NR6A1: variants seen among roughly 807,000 people sequenced by gnomAD.
The protein encoded by NR6A1 is nuclear receptor subfamily 6 group A member 1, also known as retinoic acid receptor-related testis-associated receptor.
Under a neutral mutation model 59.1 loss-of-function variants are expected in NR6A1, and 7 were observed. That is an observed-to-expected ratio of 0.12 (90% CI 0.07 to 0.22). NR6A1 has a LOEUF of 0.22. NR6A1 is among the 10% of genes least tolerant of loss of function. The pLI, the probability that NR6A1 is intolerant of heterozygous loss-of-function variation, is 1.00. For synonymous variants in NR6A1, 243 were observed against 236.1 expected, an observed-to-expected ratio of 1.03 and a Z score of -0.27; for missense variants, 468 against 611.6, an observed-to-expected ratio of 0.77 and a Z score of 2.48.
At chr9:124,592,278 A>G (rs1330222055) in intron 2 of NR6A1, among the ~76,000 whole-genome samples, 1 of 152,178 alleles carries the variant, frequency 6.6e-6, no homozygotes, top group African/African-American at 2.4e-5. Flanking sequence ...TAAAGACCAC[A>G]TTGTTCAAAA....
At chr9:124,622,833 T>C (rs976616474) in intron 2 of NR6A1, among the ~76,000 whole-genome samples, 4 of 152,020 alleles carry the variant, frequency 2.6e-5, no homozygotes, top group Non-Finnish European at 5.9e-5. Flanking sequence ...CACAGAGGTG[T>C]AGATCCTGCA....
intron 2 of NR6A1, among the ~76,000 whole-genome samples, chr9:124,688,568 C>T (rs923670592): frequency 3.3e-5 from 5 of 152,190 alleles, no homozygotes; most frequent in African/African-American, 9.7e-5. Context: ...CTGGGTTATA[C>T]ATTATGCTTC....
chr9:124,540,274 G>A, intron 4 of NR6A1, 87 bp from the exon 5 acceptor site: 1 of 1,404,420 alleles, frequency 7.1e-7, no homozygotes, highest in Non-Finnish European at 9.6e-7. Context: ...AATCTCATAG[G>A]ATTTCCCAGA....
At chr9:124,586,075 A>G (rs114168998) in intron 2 of NR6A1, among the ~76,000 whole-genome samples, 3,534 of 152,370 alleles carry the variant, frequency 0.023, 111 homozygotes, top group East Asian at 0.096. Context: ...GTCTGCTAAC[A>G]TAACATCCAT....
intron 2 of NR6A1, among the ~76,000 whole-genome samples, chr9:124,567,729 A>C (rs1158520789): frequency 1.3e-5 from 2 of 152,204 alleles, no homozygotes; most frequent in African/African-American, 2.4e-5. Flanking sequence ...GTGGTAAAGA[A>C]ATAAAATAAT....
chr9:124,693,595 A>C, intron 2 of NR6A1: 1 of 422,752 alleles, frequency 2.4e-6, no homozygotes, highest in Non-Finnish European at 4.9e-6. Context: ...TCAATCATGC[A>C]GATGGCTGGT....
Position 124,733,368 on chromosome 9 carries a change from G to A in NR6A1, c.101-19C>T. 1 of 1,601,932 alleles carries A rather than the reference G, an allele frequency of 6.2e-7. No homozygotes were observed. The highest frequency in any genetic ancestry group is 8.5e-7 in the Non-Finnish European group (1 of 1,169,886). On this transcript the variant is annotated intron_variant, in intron 1 of 9. Coordinates refer to ENST00000487099, the MANE Select transcript of NR6A1 (RefSeq NM_033334.4). ...CAGAAACCTAAAGAGAAAACAATAG[G>A]AAAAAAAATTACAATTTGTGAATTA...
chr9:124,575,983 C>G lies in NR6A1; in HGVS notation c.143-21413G>C, dbSNP rs562298754. On this transcript the variant is annotated intron_variant, in intron 2 of 9. Transcript: ENST00000487099. The stretch of plus-strand genomic sequence containing the variant: ...TTGTAAAGTGCAGGGTGCCTCCAAG[C>G]GATTCATCTGAGTGAGCTTCTAATT... Among the ~76,000 whole-genome samples, 91 of 152,252 alleles carry G rather than the reference C, an allele frequency of 6.0e-4. 1 individual carries two copies. In the South Asian group the frequency reaches 0.018, roughly 31 times the overall value.
intron 2 of NR6A1, among the ~76,000 whole-genome samples, chr9:124,709,073 C>T (rs1839207756): frequency 1.3e-5 from 2 of 152,112 alleles, no homozygotes; most frequent in African/African-American, 4.8e-5. Context: ...TTCTCAGATC[C>T]CCATCCTCTC....
chr9:124,546,459 T>A (rs924157307), intron 3 of NR6A1, among the ~76,000 whole-genome samples: 1 of 152,230 alleles, frequency 6.6e-6, no homozygotes, highest in Non-Finnish European at 1.5e-5. Context: ...TATTAATTAT[T>A]CTTAAATTAT....
At chr9:124,528,522 A>G (rs1287748443) in intron 7 of NR6A1, among the ~76,000 whole-genome samples, 1 of 152,026 alleles carries the variant, frequency 6.6e-6, no homozygotes, top group Admixed American at 6.6e-5. Flanking sequence ...GCAACATAGC[A>G]AAACTCCATC....
At chr9:124,601,003 C>T (rs1012812114) in intron 2 of NR6A1, among the ~76,000 whole-genome samples, 3 of 148,264 alleles carry the variant, frequency 2.0e-5, no homozygotes, top group South Asian at 2.1e-4. Flanking sequence ...AAAAAAAATG[C>T]GGTGGCTCAC....
chr9:124,702,133 C>A (rs1395218087), intron 2 of NR6A1, among the ~76,000 whole-genome samples: 2 of 152,182 alleles, frequency 1.3e-5, no homozygotes, highest in Non-Finnish European at 2.9e-5. Flanking sequence ...GAAGCCAATT[C>A]ATCAATGAAT....
chr9:124,549,956 A>G (rs909293284), intron 3 of NR6A1, among the ~76,000 whole-genome samples: 1 of 152,222 alleles, frequency 6.6e-6, no homozygotes, highest in Admixed American at 6.5e-5. Context: ...GTCTTCTCCA[A>G]TCTGTGACAG....
chr9:124,699,385 T>C (rs1250773820), intron 2 of NR6A1, among the ~76,000 whole-genome samples: 1 of 152,206 alleles, frequency 6.6e-6, no homozygotes, highest in Non-Finnish European at 1.5e-5. Flanking sequence ...TATCATTCAC[T>C]CTAGGTCCAT....
intron 2 of NR6A1, among the ~76,000 whole-genome samples, chr9:124,721,542 GAAACAAGGGAGATTTGTGAACTATCTTA>G (rs1839564900): frequency 6.6e-6 from 1 of 152,128 alleles, no homozygotes; most frequent in African/African-American, 2.4e-5. Context: ...ATAAAGGGAG[GAAACAAGGGAGATTTGTGAACTATCTTA>G]AGTTGCTTCA....
rs1488310537 is a variant in NR6A1, at chr9:124,522,667, G to A, written c.*38C>T. On this transcript the variant is annotated 3_prime_UTR_variant, in exon 10 of 10. Transcript: ENST00000487099. ...TCCAGAGCCTGTCCTGCCCACCCAA[G>A]ACGCTGTGGTTGGCCTGAGGAGGGC... The A allele has an allele frequency of 3.9e-6, 6 of 1,520,848 alleles. No homozygotes were observed. Among genetic ancestry groups the A allele is most frequent in the Middle Eastern group, 4.4e-4 (2 of 4,508 alleles). The allele number at this position is 1,520,848 out of a possible 1,614,324, so 94.2% of individuals were successfully genotyped here.
intron 2 of NR6A1, among the ~76,000 whole-genome samples, chr9:124,611,836 T>C (rs534358878): frequency 4.0e-5 from 6 of 148,290 alleles, no homozygotes; most frequent in Non-Finnish European, 7.4e-5. Context: ...CACTGAGCAA[T>C]TCCCATTCTG....
intron 2 of NR6A1, among the ~76,000 whole-genome samples, chr9:124,581,365 C>A (rs973878783): frequency 6.6e-6 from 1 of 152,132 alleles, no homozygotes; most frequent in African/African-American, 2.4e-5. Flanking sequence ...TAGGCCGAGG[C>A]AGGCGGATCA....
Sources: gnomAD v4.1 joint callset for allele counts (sites outside exome capture counted in the v4.1 genomes callset) on GRCh38, gnomAD v4.1.1 for gene constraint, MANE v1.5 for transcripts, NCBI Gene and HGNC (gene_info 2026-07-23, HGNC 2026-07-21) for gene names.